Variants in MEGF10 observed in about 807,000 individuals in gnomAD.
MEGF10 encodes the protein multiple EGF like domains 10.
Under a neutral mutation model 147.5 loss-of-function variants are expected in MEGF10, and 86 were observed. That is an observed-to-expected ratio of 0.58 (90% CI 0.49 to 0.70). The LOEUF (loss-of-function observed/expected upper bound fraction) is 0.70, where lower values mean the gene tolerates loss of function less well. Among genes scored for constraint, MEGF10 ranks in the 30% least tolerant of loss-of-function variants. The probability of loss-of-function intolerance (pLI) is 0.00; values close to 1 mark genes in which losing one functional copy is unlikely to be tolerated. For synonymous variants in MEGF10, 478 were observed against 525.5 expected, an observed-to-expected ratio of 0.91 and a Z score of 1.24; for missense variants, 1,329 against 1,487.3, an observed-to-expected ratio of 0.89 and a Z score of 1.75.
the MEGF10 span, among the ~76,000 whole-genome samples, chr5:127,247,091 A>C: frequency 7.2e-6 from 1 of 138,066 alleles, no homozygotes; most frequent in Non-Finnish European, 1.5e-5. Flanking sequence ...AGAGGAAGTA[A>C]AGCATGATAG....
At chr5:127,241,742 TA>T in the MEGF10 span, among the ~76,000 whole-genome samples, 3 of 152,164 alleles carry the variant, frequency 2.0e-5, no homozygotes, top group African/African-American at 7.2e-5. Flanking sequence ...AATCACTTTT[TA>T]TGAAGAATTT....
At chr5:127,297,547 A>G (rs975547535) in intron 1 of MEGF10, among the ~76,000 whole-genome samples, 3 of 152,070 alleles carry the variant, frequency 2.0e-5, no homozygotes, top group African/African-American at 7.2e-5. Context: ...GCAGTGTGGG[A>G]CCTTGAAGGA....
In MEGF10 at chr5:127,459,693, T is replaced by C. The variant is rs1766496229; in HGVS notation, c.*2375T>C. 1 of 152,238 alleles carries C rather than the reference T, an allele frequency of 6.6e-6. No homozygotes were observed. Among genetic ancestry groups the C allele is most frequent in the Non-Finnish European group, 1.5e-5 (1 of 68,034 alleles). 9.4% of individuals were successfully genotyped at this position (152,238 alleles called of 1,614,324 possible). ...CCAAGGGGCCACTGCCATCCCTTCC[T>C]GTGTGCTCTTTTTGACAAGTAAATC... On this transcript the variant is annotated 3_prime_UTR_variant, in exon 25 of 25. Coordinates refer to ENST00000503335, the MANE Select transcript of MEGF10 (RefSeq NM_001256545.2).
rs767195125 is a variant in MEGF10, at chr5:127,457,325, A to G, written c.*7A>G. The G allele has an allele frequency of 3.1e-6, 5 of 1,611,496 alleles. No individual in the cohort carries two copies. Among genetic ancestry groups the G allele is most frequent in the Non-Finnish European group, 4.2e-6 (5 of 1,179,322 alleles). The stretch of plus-strand genomic sequence containing the variant: ...CAGCAGCAGCAGTGAATGACACCAA[A>G]GGACCGCTTGGTAGCCACTGGAACC... On this transcript the variant is annotated 3_prime_UTR_variant, in exon 25 of 25. Coordinates refer to ENST00000503335, the MANE Select transcript of MEGF10 (RefSeq NM_001256545.2).
chr5:127,420,339 C>A lies in MEGF10; in HGVS notation c.1590+132C>A, dbSNP rs536981180. ...CAACTTCGGTAACTACTGGAAGAATCCAGGTATTTGGATTCAAATTGGACG... is the reference window on the plus strand; with the variant it reads ...CAACTTCGGTAACTACTGGAAGAATACAGGTATTTGGATTCAAATTGGACG... On this transcript the variant is annotated intron_variant, in intron 12 of 24. Coordinates refer to ENST00000503335, the MANE Select transcript of MEGF10 (RefSeq NM_001256545.2). 2.9e-5 allele frequency: 28 copies of A among 968,836 alleles called. No individual in the cohort carries two copies. In the South Asian group the frequency reaches 4.6e-4, roughly 16 times the overall value. 60.0% of individuals were successfully genotyped at this position (968,836 alleles called of 1,614,324 possible).
the MEGF10 span, among the ~76,000 whole-genome samples, chr5:127,260,682 C>T: frequency 6.6e-6 from 1 of 152,130 alleles, no homozygotes; most frequent in Non-Finnish European, 1.5e-5. Flanking sequence ...GATGGATATT[C>T]TCTGAGTAAA....
chr5:127,323,102 A>C (rs775545524), intron 1 of MEGF10, among the ~76,000 whole-genome samples: 10 of 152,152 alleles, frequency 6.6e-5, no homozygotes, highest in Non-Finnish European at 1.3e-4. Flanking sequence ...TTTTAAAATA[A>C]AAAGTTTAAA....
intron 1 of MEGF10, among the ~76,000 whole-genome samples, chr5:127,297,793 T>A (rs1759575126): frequency 6.6e-6 from 1 of 152,168 alleles, no homozygotes; most frequent in Non-Finnish European, 1.5e-5. Context: ...AGAAACTAGA[T>A]GGGATTAGGG....
In MEGF10 at chr5:127,441,379, T is replaced by C. The variant is rs138152054; in HGVS notation, c.2362+512T>C. Among the ~76,000 whole-genome samples the C allele has an allele frequency of 2.0e-3, 298 of 152,250 alleles. 1 individual carries two copies. Among genetic ancestry groups the C allele is most frequent in the African/African-American group, 7.0e-3 (289 of 41,550 alleles). On this transcript the variant is annotated intron_variant, in intron 18 of 24. Coordinates refer to ENST00000503335, the MANE Select transcript of MEGF10 (RefSeq NM_001256545.2). ...TTTTATACTGCTTCCATTAACAACT[T>C]CTCATCTTAGTCTTAACAACCTTCC...
At chr5:127,410,741 C>A in intron 9 of MEGF10, 140 bp downstream of exon 9, 1 of 724,544 alleles carries the variant, frequency 1.4e-6, no homozygotes, top group Non-Finnish European at 2.3e-6. Flanking sequence ...CAGGAATCGC[C>A]GAGTAAAAGG....
At chr5:127,244,000 C>G in the MEGF10 span, among the ~76,000 whole-genome samples, 1 of 151,484 alleles carries the variant, frequency 6.6e-6, no homozygotes, top group South Asian at 2.1e-4. Flanking sequence ...AGTTCAAGAC[C>G]AGCCTGACTA....
intron 19 of MEGF10, among the ~76,000 whole-genome samples, chr5:127,443,906 C>A (rs944807403): frequency 2.6e-5 from 4 of 152,160 alleles, no homozygotes; most frequent in African/African-American, 9.7e-5. Context: ...AAGAGTGAAT[C>A]CAGTTTTTGC....
At chr5:127,428,338 C>T (rs528093978) in intron 13 of MEGF10, among the ~76,000 whole-genome samples, 3 of 152,046 alleles carry the variant, frequency 2.0e-5, no homozygotes, top group Non-Finnish European at 4.4e-5. Flanking sequence ...AGGTTCTATG[C>T]AACCATAATG....
At chr5:127,356,988 T>C (rs1437607789) in intron 4 of MEGF10, among the ~76,000 whole-genome samples, 1 of 152,226 alleles carries the variant, frequency 6.6e-6, no homozygotes, top group Admixed American at 6.5e-5. Flanking sequence ...TCTCTGGATC[T>C]ACTTACTTGG....
chr5:127,238,029 C>CTATATATATATATATATATA, the MEGF10 span, among the ~76,000 whole-genome samples: 1 of 139,196 alleles, frequency 7.2e-6, no homozygotes, highest in Non-Finnish European at 1.5e-5. Flanking sequence ...AAACTTCAGA[C>CTATATATATATATATATATA]TATATATATA....
intron 1 of MEGF10, among the ~76,000 whole-genome samples, chr5:127,317,886 A>G (rs1760628647): frequency 6.6e-6 from 1 of 151,946 alleles, no homozygotes; most frequent in Non-Finnish European, 1.5e-5. Flanking sequence ...TGTACCCCCT[A>G]GAACTTAAAG....
chr5:127,293,524 G>T (rs1032100989), intron 1 of MEGF10, among the ~76,000 whole-genome samples: 2 of 152,186 alleles, frequency 1.3e-5, no homozygotes, highest in Non-Finnish European at 1.5e-5. Context: ...TAAGTCTTCT[G>T]TGAGTTGTGA....
intron 4 of MEGF10, among the ~76,000 whole-genome samples, chr5:127,345,752 T>G (rs1381598068): frequency 6.6e-6 from 1 of 152,168 alleles, no homozygotes; most frequent in Non-Finnish European, 1.5e-5. Flanking sequence ...GTTATATCAA[T>G]AAGTTCTTTA....
intron 3 of MEGF10, 65 bp from the exon 4 acceptor site, chr5:127,340,465 A>T: frequency 8.4e-7 from 1 of 1,193,696 alleles, no homozygotes; most frequent in Non-Finnish European, 1.2e-6. Context: ...CTTCATAACT[A>T]GTTTGAAATA....
Sources: gnomAD v4.1 joint callset for allele counts (sites outside exome capture counted in the v4.1 genomes callset) on GRCh38, gnomAD v4.1.1 for gene constraint, MANE v1.5 for transcripts, NCBI Gene and HGNC (gene_info 2026-07-23, HGNC 2026-07-21) for gene names.